The following ALX4 variants were observed in gnomAD, a reference collection of about 807,000 sequenced individuals.
ALX4 encodes homeobox protein aristaless-like 4.
ALX4 carries 22 observed loss-of-function variants against 40.6 expected under a neutral mutation model. The ratio of observed to expected loss-of-function variants is 0.54; its 90% CI spans 0.39 to 0.77. The LOEUF (loss-of-function observed/expected upper bound fraction) is 0.77, where lower values mean the gene tolerates loss of function less well. Ranked by LOEUF, ALX4 falls within the 30% of genes least tolerant of loss-of-function variation. ALX4 has a pLI of 0.00. For missense variants in ALX4, 556 were observed against 564.8 expected (o/e 0.98, Z 0.16); for synonymous variants, 266 against 240.5 (o/e 1.11, Z -0.98).
intron 2 of ALX4, among the ~76,000 whole-genome samples, chr11:44,271,573 A>G (rs1268909630): frequency 6.6e-6 from 1 of 152,202 alleles, no homozygotes; most frequent in African/African-American, 2.4e-5. Flanking sequence ...GCAACCATGA[A>G]CCTTAGCCTA....
chr11:44,276,493 C>T (rs1322760846), intron 1 of ALX4, among the ~76,000 whole-genome samples: 1 of 152,200 alleles, frequency 6.6e-6, no homozygotes, highest in African/African-American at 2.4e-5. Flanking sequence ...ATTCCTAGCT[C>T]AGGACTGCAA....
Position 44,309,576 on chromosome 11 carries a change from G to A in ALX4, c.466+21C>T, listed in dbSNP as rs758071594. On this transcript the variant is annotated intron_variant, in intron 1 of 3. Transcript: ENST00000652299. ...AGCACCCCGTGGTCCCCAGCACCAG[G>A]TGACCCGCACGTGCACTCACCGTAG... 2.4e-5 allele frequency: 38 copies of A among 1,563,512 alleles called. No individual in the cohort carries two copies. In the Middle Eastern group the frequency reaches 8.6e-4, roughly 35 times the overall value.
intron 1 of ALX4, among the ~76,000 whole-genome samples, chr11:44,288,266 G>C (rs1590697582): frequency 6.6e-6 from 1 of 152,212 alleles, no homozygotes; most frequent in Middle Eastern, 3.4e-3. Flanking sequence ...CATATGCACA[G>C]AGAGAGACAC....
At chr11:44,268,915 T>C (rs4755804) in intron 2 of ALX4, among the ~76,000 whole-genome samples, 109,830 of 152,172 alleles carry the variant, frequency 0.72, 40,305 homozygotes, top group East Asian at 0.87. Flanking sequence ...GCCATGACAA[T>C]AGCCTCAGCT....
intron 1 of ALX4, among the ~76,000 whole-genome samples, chr11:44,309,225 G>GCCCCGCAGCCCCGCAGC (rs1245158419): frequency 2.0e-5 from 3 of 150,802 alleles, no homozygotes; most frequent in African/African-American, 4.9e-5. Flanking sequence ...CAGCCCCGCA[G>GCCCCGCAGCCCCGCAGC]CCCAGCGCCA....
intron 1 of ALX4, among the ~76,000 whole-genome samples, chr11:44,278,701 G>A (rs1313484769): frequency 2.0e-5 from 3 of 152,170 alleles, no homozygotes; most frequent in Non-Finnish European, 4.4e-5. Context: ...CTCGGCCCCC[G>A]CTCTTCTCAG....
chr11:44,310,083 G>A lies in ALX4; in HGVS notation c.-21C>T, dbSNP rs1385077098. The A allele has an allele frequency of 1.3e-6, 2 of 1,564,318 alleles. No homozygotes were observed. Among genetic ancestry groups the A allele is most frequent in the Non-Finnish European group, 1.7e-6 (2 of 1,152,960 alleles). On this transcript the variant is annotated 5_prime_UTR_variant, in exon 1 of 4. Transcript: ENST00000652299. ...TTCATGCCTGGCTTGCGCAGGCGGCGGGCGGGGACGCGAGCGAGGGCGCGA... is the reference window on the plus strand; with the variant it reads ...TTCATGCCTGGCTTGCGCAGGCGGCAGGCGGGGACGCGAGCGAGGGCGCGA...
intron 1 of ALX4, among the ~76,000 whole-genome samples, chr11:44,294,840 T>G (rs891925138): frequency 6.6e-6 from 1 of 150,466 alleles, no homozygotes; most frequent in Non-Finnish European, 1.5e-5. Context: ...ATTTATTTAT[T>G]TATTTATTTA....
chr11:44,294,490 C>T (rs1220585471), intron 1 of ALX4, among the ~76,000 whole-genome samples: 3 of 152,226 alleles, frequency 2.0e-5, no homozygotes, highest in South Asian at 2.1e-4. Context: ...CACATGTGTA[C>T]GAGGTGCAGC....
intron 1 of ALX4, among the ~76,000 whole-genome samples, chr11:44,281,630 G>A (rs1956310995): frequency 1.3e-5 from 2 of 151,976 alleles, no homozygotes; most frequent in Admixed American, 1.3e-4. Context: ...GCCCTTTCAT[G>A]CTATTGAAAG....
At chr11:44,309,519 C>T in intron 1 of ALX4, 78 bp downstream of exon 1, 2 of 1,524,414 alleles carry the variant, frequency 1.3e-6, no homozygotes, top group Non-Finnish European at 1.8e-6. Context: ...ATACCTCCCG[C>T]AAGCCACCAG....
chr11:44,304,871 G>C (rs1310677177), intron 1 of ALX4, among the ~76,000 whole-genome samples: 1 of 152,224 alleles, frequency 6.6e-6, no homozygotes, highest in Non-Finnish European at 1.5e-5. Flanking sequence ...GTCGCAGCGC[G>C]TGCGGCTCAG....
rs1295821461 is a variant in ALX4, at chr11:44,309,806, G to A, written c.257C>T (p.Ser86Phe). The change falls in exon 1 of 4, where the codon TCC (serine) becomes TTC (phenylalanine). Residue 86 changes from serine (S) to phenylalanine (F), a missense_variant. Ser to Phe is a radical substitution (Grantham distance 155). Transcript: ENST00000652299. The stretch of plus-strand genomic sequence containing the variant: ...CGGCTGGGGCTGGAACTTGTTAAAG[G>A]AGCCCCGCGCCCCAGCTCCACTCTC... ...PLESGAGARG[S>F]FNKFQPQPST... 3.9e-6 allele frequency: 6 copies of A among 1,551,364 alleles called. No individual in the cohort carries two copies. Among genetic ancestry groups the A allele is most frequent in the Non-Finnish European group, 5.2e-6 (6 of 1,147,400 alleles).
chr11:44,281,886 G>A (rs1301637833), intron 1 of ALX4, among the ~76,000 whole-genome samples: 2 of 152,276 alleles, frequency 1.3e-5, no homozygotes, highest in Non-Finnish European at 2.9e-5. Flanking sequence ...ACAGTGTCCC[G>A]GCCCTCAAGG....
chr11:44,297,373 C>T (rs1028370968), intron 1 of ALX4, among the ~76,000 whole-genome samples: 4 of 152,204 alleles, frequency 2.6e-5, no homozygotes, highest in African/African-American at 9.6e-5. Context: ...CACTGTTTTG[C>T]TCAGAGCCCT....
At chr11:44,271,866 G>A (rs1956249469) in intron 2 of ALX4, among the ~76,000 whole-genome samples, 1 of 152,126 alleles carries the variant, frequency 6.6e-6, no homozygotes, top group African/African-American at 2.4e-5. Context: ...CCATATATTT[G>A]TTAGGAAGCA....
intron 2 of ALX4, among the ~76,000 whole-genome samples, chr11:44,268,086 C>G (rs11037922): frequency 0.52 from 79,205 of 151,970 alleles, 21,210 homozygotes; most frequent in South Asian, 0.7. Flanking sequence ...TCCAGATTCA[C>G]AATGCCTTCC....
intron 1 of ALX4, among the ~76,000 whole-genome samples, chr11:44,276,677 T>C (rs1397396466): frequency 6.6e-6 from 1 of 152,036 alleles, no homozygotes; most frequent in Non-Finnish European, 1.5e-5. Context: ...CAGGGACTGG[T>C]TTTGTGGAAG....
At chr11:44,293,634 G>T (rs1384072573) in intron 1 of ALX4, among the ~76,000 whole-genome samples, 1 of 152,220 alleles carries the variant, frequency 6.6e-6, no homozygotes, top group Non-Finnish European at 1.5e-5. Flanking sequence ...AATCCTGGGG[G>T]ATGCATTAAT....
Sources: gnomAD v4.1 joint callset for allele counts (sites outside exome capture counted in the v4.1 genomes callset) on GRCh38, gnomAD v4.1.1 for gene constraint, MANE v1.5 for transcripts, NCBI Gene and HGNC (gene_info 2026-07-23, HGNC 2026-07-21) for gene names.